The following FRMPD4 variants were observed in gnomAD, a reference collection of about 807,000 sequenced individuals.
The protein encoded by FRMPD4 is FERM and PDZ domain-containing protein 4.
In FRMPD4, 22 loss-of-function variants were observed where a neutral mutation model predicts 94.1. The ratio of observed to expected loss-of-function variants is 0.23; its 90% confidence interval spans 0.17 to 0.33. FRMPD4 has a LOEUF of 0.33. Ranked by LOEUF, FRMPD4 falls within the 10% of genes least tolerant of loss-of-function variation. The probability of loss-of-function intolerance (pLI) is 1.00; values close to 1 mark genes in which losing one functional copy is unlikely to be tolerated. For missense variants in FRMPD4, 1,111 were observed against 1,339.9 expected, an observed-to-expected ratio of 0.83 and a Z score of 2.67; for synonymous variants, 631 against 548.6, an observed-to-expected ratio of 1.15 and a Z score of -2.10.
intron 1 of FRMPD4, among the ~76,000 whole-genome samples, chrX:12,445,326 C>G (rs886476854): frequency 1.5e-4 from 17 of 112,159 alleles, no homozygotes; most frequent in Non-Finnish European, 3.0e-4. Flanking sequence ...AGAATGCTGA[C>G]GTAGAGCATT....
chrX:12,539,108 G>A lies in FRMPD4; in HGVS notation c.158+40312G>A, dbSNP rs1368899405. On this transcript the variant is annotated intron_variant, in intron 2 of 16. Coordinates refer to ENST00000675598, the MANE Select transcript of FRMPD4 (RefSeq NM_001368397.1). ...AGTCCTTAAACGACCTGATGGAGCT[G>A]AAAACTATGGCACGAGAACTACATG... Among the ~76,000 whole-genome samples the A allele has an allele frequency of 3.6e-5, 4 of 112,336 alleles. No individual in the cohort carries two copies. The East Asian group carries it at 1.1e-3, about 31-fold the overall frequency.
intron 1 of FRMPD4, among the ~76,000 whole-genome samples, chrX:11,824,206 A>T (rs1346900101): frequency 2.7e-5 from 3 of 110,055 alleles, no homozygotes; most frequent in Non-Finnish European, 5.7e-5. Flanking sequence ...AGACTTGGGA[A>T]AGAGTAGGTG....
At chrX:12,360,165 A>G (rs1429088493) in intron 1 of FRMPD4, among the ~76,000 whole-genome samples, 1 of 112,604 alleles carries the variant, frequency 8.9e-6, no homozygotes, top group African/African-American at 3.2e-5. Flanking sequence ...ATACTGCACT[A>G]TACCTTGATC....
intron 3 of FRMPD4, among the ~76,000 whole-genome samples, chrX:11,909,894 A>G (rs1293662267): frequency 9.0e-6 from 1 of 111,108 alleles, no homozygotes; most frequent in Non-Finnish European, 1.9e-5. Flanking sequence ...ATTCAGAGAA[A>G]ACATTTTAAT....
In FRMPD4 at chrX:12,721,504, G is replaced by C. The variant is rs1405099635; in HGVS notation, c.4935G>C (p.Leu1645=). The C allele has an allele frequency of 5.3e-6, 4 of 753,662 alleles. No individual in the cohort carries two copies. The highest frequency in any genetic ancestry group is 4.7e-6 in the Non-Finnish European group (3 of 638,767). 62.1% of individuals were successfully genotyped at this position (753,662 alleles called of 1,213,427 possible). A position where few individuals can be genotyped will look rare whatever the true frequency, so the allele number is the denominator to read the frequency against. Residue 1645 remains leucine (L), a synonymous_variant, in exon 17 of 17, where the codon CTG becomes CTC. Coordinates refer to ENST00000675598, the MANE Select transcript of FRMPD4 (RefSeq NM_001368397.1). ...TTACACTTTCTCAGTACAAGCAACT[G>C]TTATCCATTGAGTCCAGACAGTTGG... The part of the protein sequence containing the change: ...YDLTLSQYKQ[L]LSIESRQLGS...
At chrX:12,408,639 C>CAGCCCAT (rs2056695326) in intron 1 of FRMPD4, among the ~76,000 whole-genome samples, 1 of 111,446 alleles carries the variant, frequency 9.0e-6, no homozygotes, top group African/African-American at 3.3e-5. Flanking sequence ...GCACAGCACC[C>CAGCCCAT]AGCCCATACT....
At chrX:11,903,149 C>A (rs1245184074) in intron 3 of FRMPD4, among the ~76,000 whole-genome samples, 1 of 111,908 alleles carries the variant, frequency 8.9e-6, no homozygotes, top group Non-Finnish European at 1.9e-5. Flanking sequence ...TCTAATCTAC[C>A]ACTGGACATT....
In FRMPD4 at chrX:12,163,494, T is replaced by C. The variant is rs531798538; in HGVS notation, c.41+24482T>C. ...AAAAAAAAAAAAAAAAAAAATAGAG[T>C]GGCTCTTGAGACCTTGAGGTTTTGA... On this transcript the variant is annotated intron_variant, in intron 1 of 16. Transcript: ENST00000675598. Among the ~76,000 whole-genome samples the C allele has an allele frequency of 5.0e-4, 51 of 101,270 alleles. 1 individual carries two copies. The South Asian group carries it at 0.022, about 43-fold the overall frequency. The allele number at this position is 101,270 out of a possible 115,157, so 87.9% of individuals were successfully genotyped here.
intron 2 of FRMPD4, among the ~76,000 whole-genome samples, chrX:11,876,857 G>A (rs2053788614): frequency 1.8e-5 from 2 of 112,320 alleles, no homozygotes; most frequent in Non-Finnish European, 3.8e-5. Context: ...GGTTTCAACC[G>A]GGGTTGATTC....
intron 1 of FRMPD4, among the ~76,000 whole-genome samples, chrX:12,322,631 G>C (rs1198325715): frequency 1.8e-5 from 2 of 110,901 alleles, no homozygotes; most frequent in East Asian, 5.7e-4. Flanking sequence ...CATCAGAAGA[G>C]TGATGGGAAA....
Position 12,441,296 on chromosome X carries a change from A to T in FRMPD4, c.42-57384A>T, listed in dbSNP as rs72612886. On this transcript the variant is annotated intron_variant, in intron 1 of 16. Transcript: ENST00000675598. ...AAACTGATGCCCAAATTGCATATTT[A>T]AAAAACCCTCTAATTTGGAGGAAGT... Among the ~76,000 whole-genome samples, 63 of 112,555 alleles carry T rather than the reference A, an allele frequency of 5.6e-4. No homozygotes were observed. In the East Asian group the frequency reaches 7.5e-3, roughly 13 times the overall value.
rs200582642 is a variant in FRMPD4 at position 12,051,612 on chromosome X, CCTTTT to C, written c.95+173599_95+173603del. On this transcript the variant is annotated intron_variant, in intron 3 of 18. Transcript: ENST00000640291. ...CATTGAGAAAGCTAAAACATTGTGT[CCTTTT>C]CTTTGCATTGCATTTGAAGCTTGAA... is the stretch of plus-strand genomic sequence containing the variant. Among the ~76,000 whole-genome samples the C allele has an allele frequency of 2.0e-3, 226 of 112,050 alleles. 4 individuals carry two copies. The East Asian group carries it at 0.046, about 23-fold the overall frequency.
chrX:12,009,233 CATAAT>C (rs1569141800), intron 3 of FRMPD4, among the ~76,000 whole-genome samples: 2 of 112,218 alleles, frequency 1.8e-5, no homozygotes, highest in African/African-American at 6.5e-5. Flanking sequence ...TTTCACAATG[CATAAT>C]ATGTCAAAAT....
chrX:12,559,217 T>C (rs1306883119), intron 2 of FRMPD4, among the ~76,000 whole-genome samples: 2 of 111,954 alleles, frequency 1.8e-5, no homozygotes, highest in Non-Finnish European at 3.8e-5. Context: ...AAGAGAAATA[T>C]TGGAGGAGTA....
At chrX:12,080,088 A>C (rs1002260669) in intron 3 of FRMPD4, among the ~76,000 whole-genome samples, 2 of 112,416 alleles carry the variant, frequency 1.8e-5, no homozygotes, top group Non-Finnish European at 3.8e-5. Flanking sequence ...CTCTGAGTGC[A>C]GATAGAATGA....
At chrX:12,278,964 C>T (rs111356593) in intron 1 of FRMPD4, among the ~76,000 whole-genome samples, 4,682 of 112,073 alleles carry the variant, frequency 0.042, 244 homozygotes, top group African/African-American at 0.14. Flanking sequence ...CCAATTGCCC[C>T]GTATATATGC....
chrX:12,091,714 G>T (rs898798293), intron 3 of FRMPD4, among the ~76,000 whole-genome samples: 1 of 111,873 alleles, frequency 8.9e-6, no homozygotes, highest in African/African-American at 3.3e-5. Flanking sequence ...TGGGAAGGTT[G>T]CTTCAGCATC....
intron 3 of FRMPD4, among the ~76,000 whole-genome samples, chrX:11,906,814 T>G (rs1410359993): frequency 9.0e-6 from 1 of 111,100 alleles, no homozygotes; most frequent in Non-Finnish European, 1.9e-5. Context: ...TTTTTCTCCT[T>G]CTTTCTTCTT....
intron 16 of FRMPD4, among the ~76,000 whole-genome samples, chrX:12,719,410 A>T (rs911960250): frequency 8.9e-6 from 1 of 112,481 alleles, no homozygotes; most frequent in African/African-American, 3.2e-5. Flanking sequence ...TAGAAAAAAG[A>T]ACACATCCAC....
Sources: gnomAD v4.1 joint callset for allele counts (sites outside exome capture counted in the v4.1 genomes callset) on GRCh38, gnomAD v4.1.1 for gene constraint, MANE v1.5 for transcripts, NCBI Gene and HGNC (gene_info 2026-07-23, HGNC 2026-07-21) for gene names.